The following PRELID2 variants were observed in gnomAD, a reference collection of about 807,000 sequenced individuals.
The protein encoded by PRELID2 is PRELI domain-containing protein 2.
In PRELID2, 25 loss-of-function variants were observed where a neutral mutation model predicts 28.4. That is an observed-to-expected ratio of 0.88 (90% CI 0.64 to 1.23). The LOEUF is 1.23. Among genes scored for constraint, PRELID2 ranks in the 50% most tolerant of loss-of-function variants. The probability of loss-of-function intolerance (pLI) is 0.00; values close to 1 mark genes in which losing one functional copy is unlikely to be tolerated. For synonymous variants in PRELID2, 76 were observed against 71.6 expected (o/e 1.06, Z -0.31); for missense variants, 201 against 214.4 (o/e 0.94, Z 0.39).
At chr5:145,611,805 A>C (rs772354036) in intron 1 of PRELID2, among the ~76,000 whole-genome samples, 1 of 152,220 alleles carries the variant, frequency 6.6e-6, no homozygotes, top group Admixed American at 6.5e-5. Context: ...ACTAATCCTA[A>C]CACGTGTATG....
chr5:145,534,788 A>G (rs1351466210), intron 1 of PRELID2, among the ~76,000 whole-genome samples: 3 of 151,992 alleles, frequency 2.0e-5, no homozygotes, highest in Non-Finnish European at 4.4e-5. Flanking sequence ...TGAACATCTA[A>G]CAACCTATAA....
intron 1 of PRELID2, among the ~76,000 whole-genome samples, chr5:145,677,851 C>T (rs1009138350): frequency 2.6e-5 from 4 of 152,130 alleles, no homozygotes; most frequent in South Asian, 2.1e-4. Context: ...CAGTGGCTCA[C>T]GCCTGTAATC....
intron 1 of PRELID2, among the ~76,000 whole-genome samples, chr5:145,511,317 T>C (rs571517450): frequency 6.6e-6 from 1 of 152,242 alleles, no homozygotes; most frequent in South Asian, 2.1e-4. Flanking sequence ...TATATACTTA[T>C]TACGTGTCTA....
At chr5:145,778,770 C>T (rs902403737) in intron 5 of PRELID2, among the ~76,000 whole-genome samples, 9 of 152,288 alleles carry the variant, frequency 5.9e-5, no homozygotes, top group South Asian at 2.1e-4. Flanking sequence ...GAAGCCAGGG[C>T]GGTAGTGTGA....
the PRELID2 span, among the ~76,000 whole-genome samples, chr5:145,463,242 T>G: frequency 1.3e-5 from 2 of 152,040 alleles, no homozygotes; most frequent in East Asian, 3.9e-4. Context: ...GGTCTAACCT[T>G]TCTTCACAAT....
At chr5:145,753,754 G>A (rs145076350), downstream of PRELID2, among the ~76,000 whole-genome samples, 525 of 152,204 alleles carry the variant, frequency 3.4e-3, 4 homozygotes, top group African/African-American at 0.012. Flanking sequence ...CCCTGGCATC[G>A]GTGTTTTTTA....
chr5:145,536,996 TAAGC>T (rs1752704432), intron 1 of PRELID2, among the ~76,000 whole-genome samples: 1 of 151,830 alleles, frequency 6.6e-6, no homozygotes, highest in Admixed American at 6.6e-5. Flanking sequence ...AATTATTAAA[TAAGC>T]AAGTATTATC....
At chr5:145,726,261 G>T (rs1273223211) in intron 1 of PRELID2, among the ~76,000 whole-genome samples, 1 of 147,824 alleles carries the variant, frequency 6.8e-6, no homozygotes, top group African/African-American at 2.5e-5. Context: ...GGGAGGGACG[G>T]AGGGGGAAAG....
chr5:145,815,879 G>A (rs1285421511), intron 4 of PRELID2, among the ~76,000 whole-genome samples: 2 of 152,020 alleles, frequency 1.3e-5, no homozygotes, highest in Middle Eastern at 3.2e-3. Flanking sequence ...AAGTTTTTGT[G>A]TGGACATATA....
intron 1 of PRELID2, among the ~76,000 whole-genome samples, chr5:145,506,661 T>G (rs1752414226): frequency 6.6e-6 from 1 of 152,144 alleles, no homozygotes; most frequent in African/African-American, 2.4e-5. Flanking sequence ...GGGCAGGAAA[T>G]GACACTCTGC....
At chr5:145,522,804 T>C (rs1413169614) in intron 1 of PRELID2, among the ~76,000 whole-genome samples, 2 of 125,646 alleles carry the variant, frequency 1.6e-5, no homozygotes, top group Non-Finnish European at 3.4e-5. Context: ...AGGAGGAGGA[T>C]GAGAGGGGGA....
intron 1 of PRELID2, among the ~76,000 whole-genome samples, chr5:145,680,041 G>C (rs1754902511): frequency 6.6e-6 from 1 of 152,032 alleles, no homozygotes; most frequent in South Asian, 2.1e-4. Flanking sequence ...AGGGGACATG[G>C]ATTATAAAAG....
At chr5:145,727,060 G>A (rs1756190003) in intron 1 of PRELID2, among the ~76,000 whole-genome samples, 1 of 152,210 alleles carries the variant, frequency 6.6e-6, no homozygotes, top group Admixed American at 6.5e-5. Flanking sequence ...AGTTCTGGAA[G>A]CCCAGACTAT....
At chr5:145,271,605 A>C in the PRELID2 span, among the ~76,000 whole-genome samples, 71 of 152,206 alleles carry the variant, frequency 4.7e-4, 1 homozygote, top group Admixed American at 5.2e-4. Context: ...GTCATTCCTA[A>C]ATGAAGAGGT....
At chr5:145,658,960 A>T (rs1478470676) in intron 1 of PRELID2, among the ~76,000 whole-genome samples, 2 of 152,202 alleles carry the variant, frequency 1.3e-5, no homozygotes, top group African/African-American at 4.8e-5. Context: ...GTGGCATTTA[A>T]GCTGAAATTG....
chr5:145,432,987 G>C, the PRELID2 span, among the ~76,000 whole-genome samples: 1 of 152,144 alleles, frequency 6.6e-6, no homozygotes, highest in Admixed American at 6.5e-5. Context: ...ATAAAGGGAC[G>C]AGAAGGGTCA....
chr5:145,646,219 CTTTG>C (rs1340833152), intron 1 of PRELID2, among the ~76,000 whole-genome samples: 8 of 152,124 alleles, frequency 5.3e-5, no homozygotes, highest in Non-Finnish European at 1.2e-4. Context: ...TTCTTGGAGG[CTTTG>C]TTTGTTCCTT....
chr5:145,787,742 T>TG (rs1406948602), intron 5 of PRELID2, among the ~76,000 whole-genome samples: 1 of 152,114 alleles, frequency 6.6e-6, no homozygotes, highest in African/African-American at 2.4e-5. Flanking sequence ...GATCTCCCTA[T>TG]GTTGCCTATG....
At chr5:145,258,887 G>A in the PRELID2 span, among the ~76,000 whole-genome samples, 1 of 152,120 alleles carries the variant, frequency 6.6e-6, no homozygotes, top group East Asian at 1.9e-4. Context: ...TCCTATCACA[G>A]GCCCAGAGTG....
Sources: allele counts gnomAD v4.1 joint callset (sites outside exome capture counted in the v4.1 genomes callset), GRCh38; gene constraint gnomAD v4.1.1; transcripts MANE v1.5; gene names NCBI Gene and HGNC (gene_info 2026-07-23, HGNC 2026-07-21).